AFAP1L1: variants seen among roughly 807,000 people sequenced by gnomAD.
AFAP1L1 encodes actin filament associated protein 1 like 1, also known as actin filament-associated protein 1-like 1.
AFAP1L1 carries 77 observed loss-of-function variants against 99.8 expected under a neutral mutation model. The observed-to-expected ratio is 0.77, with a 90% CI of 0.64 to 0.93. The LOEUF is 0.93. Among genes scored for constraint, AFAP1L1 ranks in the 40% least tolerant of loss-of-function variants. The probability of loss-of-function intolerance (pLI) is 0.00; values close to 1 mark genes in which losing one functional copy is unlikely to be tolerated. For synonymous variants in AFAP1L1, 373 were observed against 395.3 expected (o/e 0.94, Z 0.67); for missense variants, 893 against 996.8 (o/e 0.90, Z 1.40).
chr5:149,281,052 C>T (rs1178164080), intron 1 of AFAP1L1, among the ~76,000 whole-genome samples: 6 of 152,210 alleles, frequency 3.9e-5, no homozygotes, highest in Non-Finnish European at 1.5e-5. Context: ...GCTTCAGGGA[C>T]ATTGCACATC....
chr5:149,321,842 C>G (rs1182424611), intron 14 of AFAP1L1, among the ~76,000 whole-genome samples: 1 of 151,758 alleles, frequency 6.6e-6, no homozygotes, highest in African/African-American at 2.4e-5. Context: ...GAGTTTGAGA[C>G]CAGCCTGGCC....
chr5:149,272,084 T>G (rs1041029609), intron 1 of AFAP1L1, 100 bp downstream of exon 1: 42 of 792,872 alleles, frequency 5.3e-5, no homozygotes, highest in Admixed American at 1.1e-4. Flanking sequence ...AGGCGGGCGG[T>G]GGGGCGGGGG....
chr5:149,320,338 A>G lies in AFAP1L1; in HGVS notation c.1626-53A>G. 2 of 1,567,638 alleles carry G rather than the reference A, an allele frequency of 1.3e-6. No individual in the cohort carries two copies. On this transcript the variant is annotated intron_variant, in intron 13 of 18. Coordinates refer to ENST00000296721, the MANE Select transcript of AFAP1L1 (RefSeq NM_152406.4). This position sits in a 1 kb window ranked among gnomAD's most constrained non-coding sequence, Gnocchi z 4.0. ...AGAGTGAGGACACGAAAGCACTGTA[A>G]GCTGCAAAGCATCATTGTCATTGTC...
At chr5:149,331,673 G>T (rs564197861) in intron 16 of AFAP1L1, among the ~76,000 whole-genome samples, 1 of 152,186 alleles carries the variant, frequency 6.6e-6, no homozygotes, top group South Asian at 2.1e-4. Context: ...AAACTCTGGT[G>T]TCTGTAAAGC....
intron 6 of AFAP1L1, among the ~76,000 whole-genome samples, chr5:149,306,987 C>T (rs556496018): frequency 6.6e-5 from 10 of 152,172 alleles, no homozygotes; most frequent in African/African-American, 2.4e-4. Context: ...TGGCTCACAC[C>T]TGTAATCCCA....
chr5:149,285,460 C>G (rs1213217861), intron 1 of AFAP1L1, among the ~76,000 whole-genome samples: 1 of 152,210 alleles, frequency 6.6e-6, no homozygotes, highest in Admixed American at 6.5e-5. Context: ...GTTATTATCT[C>G]TGTCTTACAT....
chr5:149,300,418 G>A (rs1756162896), intron 3 of AFAP1L1, 64 bp downstream of exon 3: 2 of 1,450,968 alleles, frequency 1.4e-6, no homozygotes, highest in Admixed American at 1.8e-5. Flanking sequence ...ATGCAGAAGG[G>A]TCCCCCGACT....
intron 7 of AFAP1L1, among the ~76,000 whole-genome samples, chr5:149,308,040 T>G (rs1756489512): frequency 6.6e-6 from 1 of 151,818 alleles, no homozygotes; most frequent in South Asian, 2.1e-4. Flanking sequence ...TCCCAGCTAC[T>G]TGGGAGGCTG....
At chr5:149,326,558 A>G (rs1317690782) in intron 15 of AFAP1L1, among the ~76,000 whole-genome samples, 3 of 148,394 alleles carry the variant, frequency 2.0e-5, no homozygotes, top group Non-Finnish European at 3.0e-5. Context: ...AAAAAAAAAA[A>G]AAAAGAAAGA....
rs143635121 is a variant in AFAP1L1 at position 149,304,735 on chromosome 5, G to A, written c.437-1571G>A. 5.6e-4 allele frequency among the ~76,000 whole-genome samples: 85 copies of A among 152,094 alleles called. 1 individual carries two copies. The highest frequency in any genetic ancestry group is 1.7e-3 in the African/African-American group (71 of 41,472). On this transcript the variant is annotated intron_variant, in intron 5 of 18. Coordinates refer to ENST00000296721, the MANE Select transcript of AFAP1L1 (RefSeq NM_152406.4). The stretch of plus-strand genomic sequence containing the variant: ...TCCCTACTTCACACCTGACCCCCCC[G>A]TTCACCTCCCAGGAGATGTCCAGCG...
intron 1 of AFAP1L1, among the ~76,000 whole-genome samples, chr5:149,291,143 C>A (rs533322046): frequency 6.6e-6 from 1 of 152,014 alleles, no homozygotes; most frequent in Non-Finnish European, 1.5e-5. Context: ...TGGCTGGCAG[C>A]GGAAGGGAGT....
chr5:149,317,688 C>G, intron 11 of AFAP1L1, 41 bp from the exon 12 acceptor site: 2 of 1,607,350 alleles, frequency 1.2e-6, no homozygotes, highest in Non-Finnish European at 1.7e-6. Flanking sequence ...CATGCTGTCC[C>G]AGGGCAGGCT....
Position 149,310,009 on chromosome 5 carries a change from C to T in AFAP1L1, c.801C>T (p.Thr267=). 6.2e-7 allele frequency: 1 copy of T among 1,614,240 alleles called. No homozygotes were observed. Among genetic ancestry groups the T allele is most frequent in the African/African-American group, 1.3e-5 (1 of 75,062 alleles). ...RQPHLRLALD[T]CSIIYVPKDS... ...CACATCTGAGGTTGGCACTGGATACCTGCAGCATCATCTACGTGCCCAAGG... is the reference window on the plus strand; with the variant it reads ...CACATCTGAGGTTGGCACTGGATACTTGCAGCATCATCTACGTGCCCAAGG... Residue 267 remains threonine (T), a synonymous_variant, in exon 8 of 19, where the codon ACC becomes ACT. Coordinates refer to ENST00000296721, the MANE Select transcript of AFAP1L1 (RefSeq NM_152406.4).
intron 1 of AFAP1L1, among the ~76,000 whole-genome samples, chr5:149,291,457 C>T (rs894839475): frequency 4.0e-5 from 5 of 124,028 alleles, no homozygotes; most frequent in South Asian, 2.8e-4. Flanking sequence ...ACCCAGGAGG[C>T]GGAGGTTGCA....
chr5:149,275,355 G>A (rs902309025), intron 1 of AFAP1L1, among the ~76,000 whole-genome samples: 2 of 152,146 alleles, frequency 1.3e-5, no homozygotes, highest in Non-Finnish European at 1.5e-5. Flanking sequence ...GTGTCGGGTG[G>A]GACCTCTCTT....
At chr5:149,328,534 C>T (rs1258355375) in intron 15 of AFAP1L1, among the ~76,000 whole-genome samples, 4 of 152,160 alleles carry the variant, frequency 2.6e-5, no homozygotes, top group Admixed American at 6.5e-5. Flanking sequence ...GTGGGCTGGG[C>T]GCAGTGGCTC....
At chr5:149,297,912 C>G (rs1461282462) in intron 1 of AFAP1L1, among the ~76,000 whole-genome samples, 1 of 152,218 alleles carries the variant, frequency 6.6e-6, no homozygotes, top group Non-Finnish European at 1.5e-5. Flanking sequence ...TTGTGGTGAG[C>G]ATTCACTCTG....
intron 1 of AFAP1L1, among the ~76,000 whole-genome samples, chr5:149,274,822 T>G (rs2127586745): frequency 6.6e-6 from 1 of 150,624 alleles, no homozygotes; most frequent in Non-Finnish European, 1.5e-5. Context: ...GAGGTGGAGG[T>G]TGCAGTGAGC....
At chr5:149,272,091 G>T in intron 1 of AFAP1L1, 107 bp downstream of exon 1, 1 of 1,119,944 alleles carries the variant, frequency 8.9e-7, no homozygotes, top group Non-Finnish European at 1.1e-6. Flanking sequence ...CGGTGGGGCG[G>T]GGGCTGAGGA....
Sources: allele counts gnomAD v4.1 joint callset (sites outside exome capture counted in the v4.1 genomes callset), GRCh38; gene constraint gnomAD v4.1.1; non-coding constraint Gnocchi (gnomAD v3.1); transcripts MANE v1.5; gene names NCBI Gene and HGNC (gene_info 2026-07-23, HGNC 2026-07-21).